The following WBP2NL variants were observed in gnomAD, a reference collection of about 807,000 sequenced individuals.
WBP2NL encodes the protein WBP2 N-terminal like.
In WBP2NL, 27 loss-of-function variants were observed where a neutral mutation model predicts 23.3. The observed-to-expected ratio is 1.16, with a 90% CI of 0.85 to 1.60. The LOEUF (loss-of-function observed/expected upper bound fraction) is 1.60. Among genes scored for constraint, WBP2NL ranks in the 40% most tolerant of loss-of-function variants. The pLI, the probability that WBP2NL is intolerant of heterozygous loss-of-function variation, is 0.00. For synonymous variants in WBP2NL, 151 were observed against 145.9 expected, an observed-to-expected ratio of 1.03 and a Z score of -0.25; for missense variants, 370 against 389.5, an observed-to-expected ratio of 0.95 and a Z score of 0.42.
chr22:42,002,694 G>T (rs1258337943), intron 1 of WBP2NL: 2 of 152,188 alleles, frequency 1.3e-5, no homozygotes, highest in African/African-American at 4.8e-5. Context: ...TGCTTAAAGC[G>T]CATGTGGGAG....
chr22:42,034,680 C>T (rs1925113556), downstream of WBP2NL, among the ~76,000 whole-genome samples: 1 of 152,204 alleles, frequency 6.6e-6, no homozygotes, highest in African/African-American at 2.4e-5. Flanking sequence ...TATTTCACCT[C>T]TGCAATCTCG....
chr22:42,027,262 G>A lies in WBP2NL; in HGVS notation c.*81G>A. The A allele has an allele frequency of 6.7e-7, 1 of 1,496,564 alleles. No homozygotes were observed. 92.7% of individuals were successfully genotyped at this position (1,496,564 alleles called of 1,614,324 possible). A position where few individuals can be genotyped will look rare whatever the true frequency, so the allele number is the denominator to read the frequency against. ...AAGTCAGGATAAGGAGGACGACTCAGGTATGTGATCACAGGCTTCTCGCAG... is the reference window on the plus strand; with the variant it reads ...AAGTCAGGATAAGGAGGACGACTCAAGTATGTGATCACAGGCTTCTCGCAG... On this transcript the variant is annotated 3_prime_UTR_variant, in exon 6 of 6. Transcript: ENST00000328823.
rs368357715 is a variant in WBP2NL at position 42,026,959 on chromosome 22, A to T, written c.708A>T (p.Leu236=). Residue 236 remains leucine (L), a synonymous_variant, in exon 6 of 6, where the codon CTA becomes CTT. Coordinates refer to ENST00000328823, the MANE Select transcript of WBP2NL (RefSeq NM_152613.3). Reference sequence around the variant, plus strand: ...CTGCAGGATATGGAGCCCCACCTCTAGGATATGGAGCCCCACCTCTTGGAT... The same window carrying T: ...CTGCAGGATATGGAGCCCCACCTCTTGGATATGGAGCCCCACCTCTTGGAT... ...APPAGYGAPP[L]GYGAPPLGYG... is the part of the protein sequence containing the mutation. 60 of 1,602,952 alleles carry T rather than the reference A, an allele frequency of 3.7e-5. No individual in the cohort carries two copies. Among genetic ancestry groups the T allele is most frequent in the Non-Finnish European group, 4.0e-5 (47 of 1,177,466 alleles).
At chr22:42,020,866 GTGTATATATATATATATATATATATA>G (rs1488048257) in intron 4 of WBP2NL, among the ~76,000 whole-genome samples, 2 of 15,590 alleles carry the variant, frequency 1.3e-4, no homozygotes, top group Admixed American at 1.1e-3. Flanking sequence ...GTGTGTGTGT[GTGTATATATATATATATATATATATA>G]TATATATATA....
At chr22:42,034,344 C>T (rs796797268), downstream of WBP2NL, among the ~76,000 whole-genome samples, 5 of 152,228 alleles carry the variant, frequency 3.3e-5, no homozygotes, top group South Asian at 2.1e-4. Context: ...GCTGGGCATC[C>T]GGGGGAGACA....
downstream of WBP2NL, among the ~76,000 whole-genome samples, chr22:42,034,965 T>G (rs1271632185): frequency 2.0e-5 from 3 of 152,220 alleles, no homozygotes; most frequent in African/African-American, 7.2e-5. Flanking sequence ...TGCTGTACAA[T>G]TTGTGTAGTT....
At chr22:42,047,718 T>A (rs1201236348) in intron 8 of WBP2NL, among the ~76,000 whole-genome samples, 1 of 147,362 alleles carries the variant, frequency 6.8e-6, no homozygotes, top group East Asian at 2.1e-4. Flanking sequence ...GCCTCCCGGG[T>A]TCACGCCATT....
At chr22:42,006,455 G>A (rs573290794) in intron 1 of WBP2NL, among the ~76,000 whole-genome samples, 20 of 152,202 alleles carry the variant, frequency 1.3e-4, no homozygotes, top group African/African-American at 3.4e-4. Context: ...GGATGGTCTC[G>A]ATCGCCTGAC....
chr22:41,999,140 C>T (rs549467413), intron 1 of WBP2NL, among the ~76,000 whole-genome samples: 5 of 149,186 alleles, frequency 3.4e-5, no homozygotes, highest in Admixed American at 6.7e-5. Context: ...GGGGCCCAGA[C>T]GCATGTCTCC....
At chr22:42,010,489 T>C (rs999266964) in intron 1 of WBP2NL, among the ~76,000 whole-genome samples, 3 of 152,194 alleles carry the variant, frequency 2.0e-5, no homozygotes, top group Non-Finnish European at 4.4e-5. Flanking sequence ...CTTCTACTTT[T>C]AGTTTGTTGA....
At chr22:42,001,774 G>T in intron 1 of WBP2NL, 1 of 1,192,264 alleles carries the variant, frequency 8.4e-7, no homozygotes, top group East Asian at 2.3e-5. Context: ...AGGACTCCGT[G>T]CTCCTTGGGA....
chr22:42,052,466 G>A (rs1925871040), intron 8 of WBP2NL, among the ~76,000 whole-genome samples: 1 of 152,036 alleles, frequency 6.6e-6, no homozygotes, highest in Non-Finnish European at 1.5e-5. Flanking sequence ...TTTTAGTAGA[G>A]ACAGGGTTTC....
At position 42,047,322 on chromosome 22, in the gene WBP2NL, C is replaced by T. The variant is rs117961995; in HGVS notation, c.*274-10968C>T. On this transcript the variant is annotated intron_variant and NMD_transcript_variant, in intron 8 of 8. Transcript: ENST00000436265. ...CGGAGCAGAGAGAAACACTTGCTGA[C>T]TCATTCTCTGAGACCAAAAATATGT... Among the ~76,000 whole-genome samples the T allele has an allele frequency of 4.7e-4, 70 of 148,040 alleles. No homozygotes were observed. The East Asian group carries it at 9.6e-3, about 20-fold the overall frequency.
intron 8 of WBP2NL, among the ~76,000 whole-genome samples, chr22:42,055,850 C>A (rs181762019): frequency 6.6e-6 from 1 of 152,196 alleles, no homozygotes; most frequent in East Asian, 1.9e-4. Flanking sequence ...GACCCTCCCC[C>A]CAACCCTAGT....
rs1569452151 is a variant in WBP2NL, at chr22:42,027,889, C to T, written c.*708C>T. 1 of 398,176 alleles carries T rather than the reference C, an allele frequency of 2.5e-6. No homozygotes were observed. Among genetic ancestry groups the T allele is most frequent in the East Asian group, 3.6e-5 (1 of 28,020 alleles). 24.7% of individuals were successfully genotyped at this position (398,176 alleles called of 1,614,324 possible). ...CCCAAAATGACAGAAATATGAATTG[C>T]CGAATAACCAAGGCAATAGCATGGC... On this transcript the variant is annotated 3_prime_UTR_variant, in exon 6 of 6. Transcript: ENST00000328823.
At chr22:42,056,987 T>G (rs932947080) in intron 8 of WBP2NL, among the ~76,000 whole-genome samples, 1 of 152,212 alleles carries the variant, frequency 6.6e-6, no homozygotes, top group Non-Finnish European at 1.5e-5. Flanking sequence ...TCTTTCAAAA[T>G]TCTGTCTTTT....
chr22:42,008,499 G>A (rs1602443905), intron 1 of WBP2NL, among the ~76,000 whole-genome samples: 1 of 151,902 alleles, frequency 6.6e-6, no homozygotes, highest in African/African-American at 2.4e-5. Flanking sequence ...GAGCCACCAT[G>A]CCTGGACCTG....
chr22:42,004,588 G>A (rs1232161602), intron 1 of WBP2NL, among the ~76,000 whole-genome samples: 1 of 152,092 alleles, frequency 6.6e-6, no homozygotes, highest in Non-Finnish European at 1.5e-5. Context: ...GTGACAGAGT[G>A]AGACCCTGTC....
chr22:42,039,430 C>A (rs1340564311), intron 8 of WBP2NL, among the ~76,000 whole-genome samples: 1 of 150,094 alleles, frequency 6.7e-6, no homozygotes, highest in African/African-American at 2.5e-5. Flanking sequence ...AGAGCCCAAG[C>A]AATCCTCCTG....
Sources: allele counts gnomAD v4.1 joint callset (sites outside exome capture counted in the v4.1 genomes callset), GRCh38; gene constraint gnomAD v4.1.1; transcripts MANE v1.5; gene names NCBI Gene and HGNC (gene_info 2026-07-23, HGNC 2026-07-21).